NAV2: variants seen among roughly 807,000 people sequenced by gnomAD.
NAV2 encodes the protein neuron navigator 2, also known as helicase, APC down-regulated 1.
In NAV2, 54 loss-of-function variants were observed where a neutral mutation model predicts 223.2. The observed-to-expected ratio is 0.24, with a 90% CI of 0.19 to 0.30. The LOEUF (loss-of-function observed/expected upper bound fraction) is 0.30, where lower values mean the gene tolerates loss of function less well. Ranked by LOEUF, NAV2 falls within the 10% of genes least tolerant of loss-of-function variation. NAV2 has a pLI of 1.00. For missense variants in NAV2, 2,806 were observed against 3,147.5 expected, an observed-to-expected ratio of 0.89 and a Z score of 2.60; for synonymous variants, 1,279 against 1,239.3, an observed-to-expected ratio of 1.03 and a Z score of -0.67.
At position 19,621,523 on chromosome 11, in the gene NAV2, A is replaced by G. The variant is rs2046995087; in HGVS notation, c.76-210961A>G. ...CGAGGAATTTATCCATTTCTTCCAG[A>G]TTTTCTAGTTTATTTGCATAGAGGT... On this transcript the variant is annotated intron_variant, in intron 1 of 37. Coordinates refer to the NAV2 transcript ENST00000360655. 2.0e-5 allele frequency among the ~76,000 whole-genome samples: 3 copies of G among 151,924 alleles called. No individual in the cohort carries two copies. The South Asian group carries it at 6.2e-4, about 32-fold the overall frequency.
At chr11:19,885,768 A>G (rs1359618926) in intron 5 of NAV2, among the ~76,000 whole-genome samples, 1 of 152,218 alleles carries the variant, frequency 6.6e-6, no homozygotes, top group East Asian at 1.9e-4. Context: ...CTACAATTTC[A>G]ATACATATTC....
intron 5 of NAV2, among the ~76,000 whole-genome samples, chr11:19,887,205 G>C (rs909787973): frequency 3.9e-5 from 6 of 152,126 alleles, no homozygotes; most frequent in Admixed American, 1.3e-4. Flanking sequence ...TGGGCACCAG[G>C]GGTATTGAGA....
chr11:19,837,340 G>T (rs1399988859), intron 2 of NAV2, among the ~76,000 whole-genome samples: 1 of 152,218 alleles, frequency 6.6e-6, no homozygotes, highest in Non-Finnish European at 1.5e-5. Flanking sequence ...CTGGTGAATG[G>T]GAGTTAAGGC....
chr11:19,422,180 T>G (rs1050477213), intron 1 of NAV2, among the ~76,000 whole-genome samples: 1 of 152,140 alleles, frequency 6.6e-6, no homozygotes, highest in Non-Finnish European at 1.5e-5. Context: ...TGAGGAGCCA[T>G]CCCTCATGCT....
chr11:19,357,606 TG>T (rs1305977117), intron 1 of NAV2, among the ~76,000 whole-genome samples: 3 of 152,044 alleles, frequency 2.0e-5, no homozygotes, highest in Admixed American at 2.0e-4. Flanking sequence ...AAAATGGGGA[TG>T]GGGGTGGGTG....
chr11:19,485,697 A>G (rs1458788382), intron 1 of NAV2, among the ~76,000 whole-genome samples: 4 of 151,550 alleles, frequency 2.6e-5, no homozygotes, highest in African/African-American at 2.4e-5. Context: ...AAGAGGTAGG[A>G]TGAGTTTTTA....
At chr11:19,770,393 G>T (rs1415188473) in intron 1 of NAV2, among the ~76,000 whole-genome samples, 6 of 152,180 alleles carry the variant, frequency 3.9e-5, no homozygotes, top group Admixed American at 3.9e-4. Flanking sequence ...GCTCCTGGGA[G>T]GGTGGGAGGA....
intron 1 of NAV2, among the ~76,000 whole-genome samples, chr11:19,617,613 G>A (rs1312479603): frequency 6.6e-6 from 1 of 152,200 alleles, no homozygotes; most frequent in East Asian, 1.9e-4. Context: ...TATGGTAGGT[G>A]TGATAAGAAG....
intron 1 of NAV2, among the ~76,000 whole-genome samples, chr11:19,367,063 C>T (rs1197828614): frequency 2.0e-5 from 3 of 152,172 alleles, no homozygotes; most frequent in African/African-American, 7.2e-5. Context: ...CCAGAATTGT[C>T]ATGACAAGGG....
chr11:19,449,906 G>T (rs914498024), intron 1 of NAV2, among the ~76,000 whole-genome samples: 10 of 151,616 alleles, frequency 6.6e-5, no homozygotes, highest in Admixed American at 6.6e-4. Context: ...GCTTCATTCG[G>T]TTATGGTGAG....
In NAV2 at chr11:20,070,842, C is replaced by A. The variant is rs1190295492; in HGVS notation, c.4983+2444C>A. 6.6e-5 allele frequency among the ~76,000 whole-genome samples: 10 copies of A among 152,222 alleles called. No individual in the cohort carries two copies. In the South Asian group the frequency reaches 2.1e-3, roughly 32 times the overall value. On this transcript the variant is annotated intron_variant, in intron 22 of 37. Transcript: ENST00000349880. ...AGTTGTGCTAATGACACAAAGGCAA[C>A]CCTTTTGTTTAGCAGAAAAATGGGA...
At chr11:19,941,640 G>T (rs2046411962) in intron 8 of NAV2, among the ~76,000 whole-genome samples, 1 of 151,956 alleles carries the variant, frequency 6.6e-6, no homozygotes, top group South Asian at 2.1e-4. Flanking sequence ...GTTGAGAAAT[G>T]CATCTTGCAT....
chr11:19,661,239 T>C lies in NAV2; in HGVS notation c.76-171245T>C, dbSNP rs191511728. Among the ~76,000 whole-genome samples, 23 of 152,326 alleles carry C rather than the reference T, an allele frequency of 1.5e-4. No homozygotes were observed. The East Asian group carries it at 4.4e-3, about 29-fold the overall frequency. ...CTGGCTTACTTCACTTAACACAGTGTCTTTAAGGCTCATCTATGTTGTAGC... is the reference window on the plus strand; with the variant it reads ...CTGGCTTACTTCACTTAACACAGTGCCTTTAAGGCTCATCTATGTTGTAGC... On this transcript the variant is annotated intron_variant, in intron 1 of 37. Coordinates refer to the NAV2 transcript ENST00000360655.
chr11:19,543,704 C>T (rs1003403779), intron 1 of NAV2, among the ~76,000 whole-genome samples: 14 of 152,164 alleles, frequency 9.2e-5, no homozygotes, highest in Non-Finnish European at 1.0e-4. Context: ...GATCATTCAG[C>T]GTTAAATGAG....
intron 1 of NAV2, among the ~76,000 whole-genome samples, chr11:19,534,427 G>C (rs2044124294): frequency 6.6e-6 from 1 of 152,190 alleles, no homozygotes; most frequent in Non-Finnish European, 1.5e-5. Context: ...TCTGTGCTAG[G>C]AGCTGAGTTG....
At chr11:19,993,289 A>G (rs892241825) in intron 11 of NAV2, among the ~76,000 whole-genome samples, 8 of 152,244 alleles carry the variant, frequency 5.3e-5, no homozygotes, top group African/African-American at 1.9e-4. Context: ...TCTGGGATCC[A>G]GAGTTAGAGG....
chr11:20,011,548 A>C (rs774215327), intron 11 of NAV2, among the ~76,000 whole-genome samples: 2 of 152,234 alleles, frequency 1.3e-5, no homozygotes, highest in Non-Finnish European at 2.9e-5. Flanking sequence ...GTAAGAACTC[A>C]TTGTACAGGT....
chr11:19,867,078 G>A (rs1291869468), intron 3 of NAV2, among the ~76,000 whole-genome samples: 1 of 152,200 alleles, frequency 6.6e-6, no homozygotes, highest in African/African-American at 2.4e-5. Flanking sequence ...GTGTACAAAA[G>A]TAGAAATAAG....
At chr11:19,664,369 T>A (rs2048358712) in intron 1 of NAV2, among the ~76,000 whole-genome samples, 1 of 152,162 alleles carries the variant, frequency 6.6e-6, no homozygotes. Flanking sequence ...TGAGCTAGAT[T>A]TGCCAGTTTC....
Sources: allele counts gnomAD v4.1 joint callset (sites outside exome capture counted in the v4.1 genomes callset), GRCh38; gene constraint gnomAD v4.1.1; transcripts MANE v1.5; gene names NCBI Gene and HGNC (gene_info 2026-07-23, HGNC 2026-07-21).